The following SHOC1 variants were observed in gnomAD, a reference collection of about 807,000 sequenced individuals.
SHOC1 encodes shortage in chiasmata 1, also known as protein shortage in chiasmata 1 ortholog.
A neutral mutation model predicts 179.2 loss-of-function variants in SHOC1; 136 were observed. The ratio of observed to expected loss-of-function variants is 0.76; its 90% CI spans 0.66 to 0.87. SHOC1 has a LOEUF of 0.87. Ranked by LOEUF, SHOC1 falls within the 40% of genes least tolerant of loss-of-function variation. The pLI is 0.00. For missense variants in SHOC1, 1,538 were observed against 1,700.8 expected (o/e 0.90, Z 1.68); for synonymous variants, 489 against 586.6 (o/e 0.83, Z 2.41).
chr9:111,765,007 G>A (rs1835290767), intron 5 of SHOC1, among the ~76,000 whole-genome samples: 1 of 152,014 alleles, frequency 6.6e-6, no homozygotes, highest in African/African-American at 2.4e-5. Flanking sequence ...TGGACATGGT[G>A]GCGCATGCCT....
intron 13 of SHOC1, among the ~76,000 whole-genome samples, chr9:111,726,334 A>T (rs543556838): frequency 1.2e-4 from 19 of 152,288 alleles, no homozygotes; most frequent in Middle Eastern, 3.4e-3. Flanking sequence ...ATTACTTTTT[A>T]AAAAAATGAC....
intron 1 of SHOC1, among the ~76,000 whole-genome samples, chr9:111,793,144 A>G (rs781536824): frequency 3.9e-5 from 6 of 152,062 alleles, no homozygotes; most frequent in Admixed American, 1.3e-4. Flanking sequence ...GGTCTCCCAG[A>G]GTGCTGGGAT....
chr9:111,718,142 T>C, intron 16 of SHOC1, 42 bp downstream of exon 16: 7 of 1,377,114 alleles, frequency 5.1e-6, no homozygotes, highest in Non-Finnish European at 6.0e-6. Context: ...AGATGAAATA[T>C]TTAATAGGAA....
At chr9:111,766,854 C>T (rs576930657) in intron 5 of SHOC1, among the ~76,000 whole-genome samples, 3 of 152,136 alleles carry the variant, frequency 2.0e-5, no homozygotes, top group Non-Finnish European at 2.9e-5. Flanking sequence ...TCAGGTGATC[C>T]GTCCAGCTTA....
chr9:111,761,093 T>C (rs1835115200), intron 5 of SHOC1, among the ~76,000 whole-genome samples: 1 of 152,194 alleles, frequency 6.6e-6, no homozygotes, highest in South Asian at 2.1e-4. Flanking sequence ...GTGGCATTTC[T>C]AATCAGTGGG....
At chr9:111,742,822 T>A (rs998180750) in intron 10 of SHOC1, among the ~76,000 whole-genome samples, 10 of 152,220 alleles carry the variant, frequency 6.6e-5, no homozygotes, top group African/African-American at 2.4e-4. Context: ...AGACAATTCC[T>A]GAATCTTACC....
intron 3 of SHOC1, among the ~76,000 whole-genome samples, chr9:111,782,625 A>C (rs1283238274): frequency 2.0e-5 from 3 of 152,288 alleles, no homozygotes; most frequent in African/African-American, 7.2e-5. Flanking sequence ...CCAAATTATG[A>C]CTACAAATTT....
chr9:111,789,149 C>T lies in SHOC1; in HGVS notation c.45+2225G>A, dbSNP rs1564173099. 2.6e-5 allele frequency among the ~76,000 whole-genome samples: 4 copies of T among 152,024 alleles called. No individual in the cohort carries two copies. The East Asian group carries it at 7.7e-4, about 29-fold the overall frequency. On this transcript the variant is annotated intron_variant, in intron 2 of 27. Coordinates refer to ENST00000682961, the MANE Select transcript of SHOC1 (RefSeq NM_001378211.1). ...ATAATTTCTTGCATTATTCTCAAGA[C>T]TTTAATGTTTGCTGAAGGTGTTATA...
chr9:111,725,241 A>AG (rs1037676912), intron 13 of SHOC1, among the ~76,000 whole-genome samples: 3 of 152,202 alleles, frequency 2.0e-5, no homozygotes, highest in African/African-American at 4.8e-5. Context: ...AAAATTTTTG[A>AG]GGGGGTCTAA....
intron 1 of SHOC1, among the ~76,000 whole-genome samples, chr9:111,793,726 T>C (rs889898691): frequency 1.3e-5 from 2 of 152,060 alleles, no homozygotes; most frequent in African/African-American, 4.8e-5. Flanking sequence ...TCTTTTGTGC[T>C]ACTTCCTAAC....
chr9:111,693,914 T>C lies in SHOC1; in HGVS notation c.3350A>G (p.Asn1117Ser). The change falls in exon 26 of 28, where the codon AAC becomes AGC. Residue 1117 changes from asparagine (N) to serine (S), a missense_variant. Coordinates refer to ENST00000682961, the MANE Select transcript of SHOC1 (RefSeq NM_001378211.1). ...EMYLLDFPCI[N>S]PLVAQLMLNK... ...TAGCATGAGCTGAGCCACCAATGGG[T>C]TAATACATGGAAAATCAAGTAAGTA... is the stretch of plus-strand genomic sequence containing the variant. 1 of 1,611,874 alleles carries C rather than the reference T, an allele frequency of 6.2e-7. No individual in the cohort carries two copies. The highest frequency in any genetic ancestry group is 1.1e-5 in the South Asian group (1 of 90,954).
At chr9:111,760,211 T>C (rs1835075168) in intron 5 of SHOC1, among the ~76,000 whole-genome samples, 1 of 152,186 alleles carries the variant, frequency 6.6e-6, no homozygotes, top group Non-Finnish European at 1.5e-5. Context: ...AGTTATATGG[T>C]CTTGTTTTCC....
intron 3 of SHOC1, chr9:111,783,350 C>T (rs1836147521): frequency 6.6e-6 from 1 of 152,140 alleles, no homozygotes; most frequent in Non-Finnish European, 1.5e-5. Flanking sequence ...ACCAATATTC[C>T]AGGCAAACCA....
At chr9:111,778,476 G>A (rs1255401899) in intron 4 of SHOC1, among the ~76,000 whole-genome samples, 1 of 152,126 alleles carries the variant, frequency 6.6e-6, no homozygotes, top group Non-Finnish European at 1.5e-5. Flanking sequence ...GTAAAAAAAT[G>A]TTATGAATGG....
In SHOC1 at chr9:111,686,883, G is replaced by A; in HGVS notation, c.4427-13C>T. ...GAGCACATAAAACCTGTTAAAAGGA[G>A]AAAAAGGAAAACCATTTTATTGCTT... On this transcript the variant is annotated splice_polypyrimidine_tract_variant and intron_variant, in intron 27 of 27. Coordinates refer to ENST00000682961, the MANE Select transcript of SHOC1 (RefSeq NM_001378211.1). 1 of 1,514,442 alleles carries A rather than the reference G, an allele frequency of 6.6e-7. No homozygotes were observed. The highest frequency in any genetic ancestry group is 1.1e-5 in the South Asian group (1 of 87,700). The allele number at this position is 1,514,442 out of a possible 1,614,324, so 93.8% of individuals were successfully genotyped here.
At chr9:111,763,512 C>T (rs1335760061) in intron 5 of SHOC1, among the ~76,000 whole-genome samples, 1 of 152,002 alleles carries the variant, frequency 6.6e-6, no homozygotes, top group Non-Finnish European at 1.5e-5. Flanking sequence ...TCGAATGGAA[C>T]AATGCCTTTG....
intron 6 of SHOC1, 46 bp from the exon 7 acceptor site, chr9:111,758,241 A>G (rs1370706221): frequency 1.1e-5 from 11 of 1,044,436 alleles, no homozygotes; most frequent in African/African-American, 1.6e-5. Flanking sequence ...AGCAAGTTAC[A>G]TACTAAATGT....
chr9:111,776,868 A>G (rs898150414), intron 4 of SHOC1, among the ~76,000 whole-genome samples: 1 of 152,210 alleles, frequency 6.6e-6, no homozygotes. Context: ...CGCTGCCTAG[A>G]CAAAGCTGAT....
intron 5 of SHOC1, among the ~76,000 whole-genome samples, chr9:111,771,543 GT>G (rs940334554): frequency 2.6e-5 from 4 of 151,752 alleles, no homozygotes; most frequent in East Asian, 3.9e-4. Flanking sequence ...TGTTAATGTT[GT>G]TTTTTTTCCT....
Sources: gnomAD v4.1 joint callset for allele counts (sites outside exome capture counted in the v4.1 genomes callset) on GRCh38, gnomAD v4.1.1 for gene constraint, MANE v1.5 for transcripts, NCBI Gene and HGNC (gene_info 2026-07-23, HGNC 2026-07-21) for gene names.